The following CNTN1 variants were observed in gnomAD, a reference collection of about 807,000 sequenced individuals.
The protein encoded by CNTN1 is contactin 1, also known as contactin-1.
CNTN1 carries 38 observed loss-of-function variants against 126.4 expected under a neutral mutation model. The ratio of observed to expected loss-of-function variants is 0.30; its 90% CI spans 0.23 to 0.39. The LOEUF (loss-of-function observed/expected upper bound fraction) is 0.39, where lower values mean the gene tolerates loss of function less well. CNTN1 is among the 10% of genes least tolerant of loss of function. The pLI is 1.00. For missense variants in CNTN1, 1,009 were observed against 1,248.4 expected, an observed-to-expected ratio of 0.81 and a Z score of 2.89; for synonymous variants, 413 against 422.6, an observed-to-expected ratio of 0.98 and a Z score of 0.28.
At chr12:40,863,506 T>C (rs1289246162) in intron 1 of CNTN1, among the ~76,000 whole-genome samples, 1 of 152,182 alleles carries the variant, frequency 6.6e-6, no homozygotes, top group Non-Finnish European at 1.5e-5. Context: ...TTAATTTATG[T>C]ATAGCAAATA....
chr12:40,947,209 A>C (rs1011629205), intron 14 of CNTN1, among the ~76,000 whole-genome samples: 3 of 152,074 alleles, frequency 2.0e-5, no homozygotes, highest in African/African-American at 7.2e-5. Flanking sequence ...ACATCTAAAA[A>C]TTTCCTGAGT....
chr12:40,860,272 A>C (rs1040398326), intron 1 of CNTN1, among the ~76,000 whole-genome samples: 1 of 152,152 alleles, frequency 6.6e-6, no homozygotes, highest in Admixed American at 6.5e-5. Context: ...CATTAGGATA[A>C]TTTTTAATAT....
At chr12:40,786,614 A>C (rs1169778677) in intron 1 of CNTN1, among the ~76,000 whole-genome samples, 1 of 152,190 alleles carries the variant, frequency 6.6e-6, no homozygotes, top group African/African-American at 2.4e-5. Context: ...TCAGAACTGG[A>C]AATCCAAGGG....
intron 15 of CNTN1, among the ~76,000 whole-genome samples, chr12:40,976,717 A>G (rs984568802): frequency 6.6e-6 from 1 of 151,810 alleles, no homozygotes; most frequent in African/African-American, 2.4e-5. Flanking sequence ...CATTCTAAAC[A>G]AAAAAAATAA....
chr12:41,036,277 A>G (rs915591497), intron 23 of CNTN1, among the ~76,000 whole-genome samples: 2 of 152,066 alleles, frequency 1.3e-5, no homozygotes, highest in Non-Finnish European at 2.9e-5. Context: ...TCTGGAGGGA[A>G]TGTAGTGTCC....
At chr12:40,697,446 T>C (rs1941478637) in intron 1 of CNTN1, among the ~76,000 whole-genome samples, 1 of 152,234 alleles carries the variant, frequency 6.6e-6, no homozygotes, top group Admixed American at 6.5e-5. Context: ...TCATATTTTC[T>C]TCATGTAATA....
intron 1 of CNTN1, among the ~76,000 whole-genome samples, chr12:40,763,944 T>C (rs1224512824): frequency 2.0e-5 from 3 of 152,138 alleles, no homozygotes; most frequent in Non-Finnish European, 4.4e-5. Flanking sequence ...ACCTGGACAA[T>C]ACTTTTCTTA....
At chr12:40,816,188 T>A (rs912569700) in intron 1 of CNTN1, among the ~76,000 whole-genome samples, 12 of 152,192 alleles carry the variant, frequency 7.9e-5, no homozygotes, top group African/African-American at 2.9e-4. Context: ...GAGGAGTCCC[T>A]CCTTTTCAAT....
chr12:40,761,563 G>T (rs750721667), intron 1 of CNTN1, among the ~76,000 whole-genome samples: 2 of 152,078 alleles, frequency 1.3e-5, no homozygotes, highest in Non-Finnish European at 2.9e-5. Context: ...AGATAGATCA[G>T]CTTAAATACT....
chr12:40,936,742 G>A (rs1485047292), intron 9 of CNTN1, 39 bp from the exon 10 acceptor site: 1 of 1,609,350 alleles, frequency 6.2e-7, no homozygotes, highest in African/African-American at 1.3e-5. Context: ...TGGATCTTGA[G>A]CCCTTCATTT....
At chr12:40,872,630 G>A (rs1943543030) in intron 1 of CNTN1, among the ~76,000 whole-genome samples, 1 of 142,660 alleles carries the variant, frequency 7.0e-6, no homozygotes, top group South Asian at 2.2e-4. Flanking sequence ...GAGTGTAGTG[G>A]CGCTATCTTG....
chr12:40,933,556 G>C lies in CNTN1; in HGVS notation c.799G>C (p.Gly267Arg). The part of the protein sequence containing the change: ...QNVTLECFAL[G>R]NPVPDIRWRK... ...TGTGACCTTAGAATGTTTTGCACTT[G>C]GAAAGTAAGTATACTGACACTTTTA... The change falls in exon 8 of 24, where the codon GGA becomes CGA. Residue 267 changes from glycine to arginine, a missense_variant. By Grantham distance (125) the Gly-to-Arg change is moderately radical (BLOSUM62 -2). Transcript: ENST00000551295. 1 of 1,601,734 alleles carries C rather than the reference G, an allele frequency of 6.2e-7. No homozygotes were observed. Among genetic ancestry groups the C allele is most frequent in the Non-Finnish European group, 8.6e-7 (1 of 1,169,170 alleles).
chr12:40,959,975 A>G (rs573571607), intron 15 of CNTN1, among the ~76,000 whole-genome samples: 2 of 152,134 alleles, frequency 1.3e-5, no homozygotes, highest in South Asian at 2.1e-4. Flanking sequence ...ACAAAAATAC[A>G]CTTTAACTTC....
At chr12:40,737,188 C>G (rs1937722259) in intron 1 of CNTN1, among the ~76,000 whole-genome samples, 1 of 151,124 alleles carries the variant, frequency 6.6e-6, no homozygotes, top group East Asian at 1.9e-4. Flanking sequence ...GAAACAGATG[C>G]TTGTAGCACT....
At chr12:40,984,422 A>G (rs1011581182) in intron 16 of CNTN1, among the ~76,000 whole-genome samples, 5 of 152,172 alleles carry the variant, frequency 3.3e-5, no homozygotes, top group Admixed American at 2.6e-4. Flanking sequence ...TAGTGCCAGC[A>G]TCTGCTCCTT....
intron 12 of CNTN1, among the ~76,000 whole-genome samples, chr12:40,942,891 T>C (rs1946305510): frequency 6.6e-6 from 1 of 152,126 alleles, no homozygotes; most frequent in Non-Finnish European, 1.5e-5. Context: ...GACTTTGCCC[T>C]TAAAATGGAT....
At chr12:40,798,726 C>G (rs915168729) in intron 1 of CNTN1, among the ~76,000 whole-genome samples, 22 of 151,864 alleles carry the variant, frequency 1.4e-4, no homozygotes, top group African/African-American at 5.3e-4. Context: ...ACAACAGACA[C>G]TGGGGCCCAC....
At chr12:40,789,949 G>A (rs1429886237) in intron 1 of CNTN1, among the ~76,000 whole-genome samples, 1 of 152,000 alleles carries the variant, frequency 6.6e-6, no homozygotes. Flanking sequence ...TTACACCTTT[G>A]ATATCTGCTA....
chr12:40,743,795 G>C (rs1938050416), intron 1 of CNTN1, among the ~76,000 whole-genome samples: 1 of 151,936 alleles, frequency 6.6e-6, no homozygotes, highest in Admixed American at 6.6e-5. Flanking sequence ...GTTTAATTAA[G>C]TCCCATTTAT....
Sources: allele counts gnomAD v4.1 joint callset (sites outside exome capture counted in the v4.1 genomes callset), GRCh38; gene constraint gnomAD v4.1.1; transcripts MANE v1.5; gene names NCBI Gene and HGNC (gene_info 2026-07-23, HGNC 2026-07-21).